Variants in STAU2 observed in about 807,000 individuals in gnomAD.
STAU2 encodes staufen double-stranded RNA binding protein 2.
Under a neutral mutation model 65.9 loss-of-function variants are expected in STAU2, and 20 were observed. The observed-to-expected ratio is 0.30, with a 90% CI of 0.21 to 0.44. The LOEUF (loss-of-function observed/expected upper bound fraction) is 0.44. STAU2 is among the 20% of genes least tolerant of loss of function. The probability of loss-of-function intolerance (pLI) is 1.00; values close to 1 mark genes in which losing one functional copy is unlikely to be tolerated. For synonymous variants in STAU2, 232 were observed against 233.9 expected (o/e 0.99, Z 0.07); for missense variants, 558 against 683.9 (o/e 0.82, Z 2.05).
intron 6 of STAU2, chr8:73,652,279 T>G (rs943323148): frequency 6.6e-6 from 1 of 152,204 alleles, no homozygotes; most frequent in Non-Finnish European, 1.5e-5. Flanking sequence ...GGAAAATGTT[T>G]CACTTTTTAA....
intron 5 of STAU2, among the ~76,000 whole-genome samples, chr8:73,685,431 C>T (rs1475358042): frequency 6.7e-6 from 1 of 148,956 alleles, no homozygotes; most frequent in Non-Finnish European, 1.5e-5. Context: ...GGCTGGAGTG[C>T]AGTGGTGCGA....
At chr8:73,591,882 T>TAAAAAAAAA (rs34533172) in intron 11 of STAU2, among the ~76,000 whole-genome samples, 18 of 28,470 alleles carry the variant, frequency 6.3e-4, no homozygotes, top group Admixed American at 1.8e-3. Flanking sequence ...ATCCCAGAGG[T>TAAAAAAAAA]AAAAAAAAAA....
intron 8 of STAU2, among the ~76,000 whole-genome samples, chr8:73,614,381 A>G (rs1347104430): frequency 6.6e-6 from 1 of 152,188 alleles, no homozygotes; most frequent in Non-Finnish European, 1.5e-5. Context: ...GAGTAGTTCT[A>G]TAAACCACAA....
At chr8:73,533,860 G>A (rs1043939263) in intron 13 of STAU2, among the ~76,000 whole-genome samples, 1 of 152,076 alleles carries the variant, frequency 6.6e-6, no homozygotes, top group Non-Finnish European at 1.5e-5. Context: ...CCCCAGCTCC[G>A]AAAAGAAGTT....
chr8:73,689,728 A>G (rs914295633), intron 4 of STAU2, among the ~76,000 whole-genome samples: 14 of 152,208 alleles, frequency 9.2e-5, no homozygotes, highest in Non-Finnish European at 1.9e-4. Flanking sequence ...TTAACTTAAA[A>G]TTACTTATTA....
intron 12 of STAU2, among the ~76,000 whole-genome samples, chr8:73,580,798 G>A (rs769470071): frequency 1.3e-5 from 2 of 152,090 alleles, no homozygotes; most frequent in Non-Finnish European, 2.9e-5. Context: ...ATCCTCTATC[G>A]TAATCCAAGG....
At chr8:73,746,981 C>A (rs1222821927), upstream of STAU2, 1 of 543,822 alleles carries the variant, frequency 1.8e-6, no homozygotes, top group Non-Finnish European at 2.3e-6. Context: ...GCCGCTCCCG[C>A]GCCCCAGCAC....
chr8:73,705,274 A>C (rs937988107), intron 4 of STAU2, among the ~76,000 whole-genome samples: 3 of 152,202 alleles, frequency 2.0e-5, no homozygotes, highest in Admixed American at 2.0e-4. Context: ...AGGTCACATA[A>C]GCTCGGCAAT....
intron 3 of STAU2, among the ~76,000 whole-genome samples, chr8:73,721,401 A>T (rs779877805): frequency 2.9e-4 from 43 of 150,522 alleles, no homozygotes; most frequent in Non-Finnish European, 5.2e-4. Flanking sequence ...CTTTTTAGGT[A>T]GAGTGTTCTA....
chr8:73,421,190 G>A lies in STAU2; in HGVS notation c.*182C>T, dbSNP rs1035006337. 1 of 560,338 alleles carries A rather than the reference G, an allele frequency of 1.8e-6. No homozygotes were observed. The allele number at this position is 560,338 out of a possible 1,614,324, so 34.7% of individuals were successfully genotyped here. On this transcript the variant is annotated 3_prime_UTR_variant, in exon 15 of 15. Transcript: ENST00000524300. ...TCGAGTTCCAAGGGAAATGCTCAAAGTTTTATTTTTCCCCAGTTGAATAAA... is the reference window on the plus strand; with the variant it reads ...TCGAGTTCCAAGGGAAATGCTCAAAATTTTATTTTTCCCCAGTTGAATAAA...
intron 13 of STAU2, among the ~76,000 whole-genome samples, chr8:73,478,164 G>A: frequency 6.6e-6 from 1 of 151,460 alleles, no homozygotes; most frequent in Non-Finnish European, 1.5e-5. Flanking sequence ...TTACAGATAA[G>A]GGCTATAAAG....
At chr8:73,614,292 A>G (rs1430482238) in intron 8 of STAU2, among the ~76,000 whole-genome samples, 1 of 152,206 alleles carries the variant, frequency 6.6e-6, no homozygotes, top group Non-Finnish European at 1.5e-5. Context: ...ACCATATTAG[A>G]TTGGTCATCT....
At chr8:73,676,494 G>A (rs1262715115) in intron 5 of STAU2, among the ~76,000 whole-genome samples, 7 of 152,138 alleles carry the variant, frequency 4.6e-5, no homozygotes, top group Admixed American at 3.9e-4. Flanking sequence ...TCACAAACTT[G>A]TAAGAGACAC....
intron 13 of STAU2, among the ~76,000 whole-genome samples, chr8:73,430,670 C>G (rs1382834758): frequency 6.6e-6 from 1 of 152,150 alleles, no homozygotes; most frequent in African/African-American, 2.4e-5. Flanking sequence ...GCTTTGTGAA[C>G]AAACACTGAA....
intron 12 of STAU2, among the ~76,000 whole-genome samples, chr8:73,567,196 A>T (rs921250140): frequency 5.9e-5 from 9 of 152,208 alleles, no homozygotes; most frequent in African/African-American, 2.2e-4. Context: ...ACACTGTGCT[A>T]TGTGATTTAC....
At chr8:73,720,989 T>C (rs1428820157) in intron 3 of STAU2, among the ~76,000 whole-genome samples, 1 of 151,466 alleles carries the variant, frequency 6.6e-6, no homozygotes, top group Admixed American at 6.6e-5. Context: ...CATTTAAGAC[T>C]TGTTTCATGG....
intron 13 of STAU2, among the ~76,000 whole-genome samples, chr8:73,423,194 G>A (rs1816524957): frequency 6.6e-6 from 1 of 152,202 alleles, no homozygotes; most frequent in South Asian, 2.1e-4. Flanking sequence ...AGACTGAGGG[G>A]ATGGATGGTA....
rs752070966 is a variant in STAU2, at chr8:73,615,797, A to T, written c.571-15T>A. ...GATTCACCATTCTAAATCACAAAAA[A>T]TAGGATAACACTGAATCTTGACATT... On this transcript the variant is annotated splice_polypyrimidine_tract_variant and intron_variant, in intron 7 of 14. Transcript: ENST00000524300. 6.4e-6 allele frequency: 10 copies of T among 1,560,644 alleles called. No homozygotes were observed. In the African/African-American group the frequency reaches 1.1e-4, roughly 17 times the overall value.
chr8:73,513,821 G>A (rs190711500), intron 13 of STAU2, among the ~76,000 whole-genome samples: 1 of 152,068 alleles, frequency 6.6e-6, no homozygotes, highest in Admixed American at 6.6e-5. Context: ...ATCAAGGAAG[G>A]CCACTCCATC....
Sources: gnomAD v4.1 joint callset for allele counts (sites outside exome capture counted in the v4.1 genomes callset) on GRCh38, gnomAD v4.1.1 for gene constraint, MANE v1.5 for transcripts, NCBI Gene and HGNC (gene_info 2026-07-23, HGNC 2026-07-21) for gene names.